SUGCT: variants seen among roughly 807,000 people sequenced by gnomAD.
SUGCT encodes succinyl-CoA:glutarate-CoA transferase, also known as succinyl-CoA:glutarate CoA-transferase.
SUGCT carries 41 observed loss-of-function variants against 55.0 expected under a neutral mutation model. The ratio of observed to expected loss-of-function variants is 0.74; its 90% CI spans 0.58 to 0.97. The LOEUF is 0.97. Ranked by LOEUF, SUGCT falls within the 50% of genes least tolerant of loss-of-function variation. The pLI is 0.00. For synonymous variants in SUGCT, 187 were observed against 200.4 expected, an observed-to-expected ratio of 0.93 and a Z score of 0.56; for missense variants, 568 against 547.8, an observed-to-expected ratio of 1.04 and a Z score of -0.37.
chr7:40,221,008 G>C (rs1187282392), intron 6 of SUGCT, among the ~76,000 whole-genome samples: 1 of 152,134 alleles, frequency 6.6e-6, no homozygotes, highest in Non-Finnish European at 1.5e-5. Flanking sequence ...CATCAGTGGA[G>C]ATACAAAATA....
chr7:40,596,702 A>T (rs1243699937), intron 12 of SUGCT, among the ~76,000 whole-genome samples: 4 of 152,160 alleles, frequency 2.6e-5, no homozygotes, highest in Non-Finnish European at 5.9e-5. Flanking sequence ...CTTTCAGCTA[A>T]TATATGAAGT....
intron 8 of SUGCT, among the ~76,000 whole-genome samples, chr7:40,276,381 T>C (rs1792480229): frequency 1.3e-5 from 2 of 152,164 alleles, no homozygotes; most frequent in African/African-American, 4.8e-5. Context: ...GAAGGTTTCA[T>C]GGGTGTGTAA....
intron 12 of SUGCT, among the ~76,000 whole-genome samples, chr7:40,695,359 G>A (rs749030058): frequency 3.3e-5 from 5 of 151,662 alleles, no homozygotes; most frequent in Non-Finnish European, 5.9e-5. Context: ...CACCATGCCT[G>A]GCTAATTTTT....
chr7:40,339,459 C>G (rs1406531222), intron 9 of SUGCT, among the ~76,000 whole-genome samples: 1 of 152,104 alleles, frequency 6.6e-6, no homozygotes, highest in African/African-American at 2.4e-5. Flanking sequence ...GCGCCCCTCT[C>G]CTAGCCTCAC....
chr7:40,282,407 G>A (rs2151022109), intron 8 of SUGCT, among the ~76,000 whole-genome samples: 1 of 152,276 alleles, frequency 6.6e-6, no homozygotes, highest in Admixed American at 6.5e-5. Flanking sequence ...GGTGGAGGTT[G>A]CAGTGAGCTG....
intron 9 of SUGCT, among the ~76,000 whole-genome samples, chr7:40,320,908 C>G (rs1795693214): frequency 6.6e-6 from 1 of 152,052 alleles, no homozygotes; most frequent in African/African-American, 2.4e-5. Context: ...ATGTCGTATC[C>G]AATAGGTACT....
At chr7:40,950,673 T>C in the SUGCT span, among the ~76,000 whole-genome samples, 58,330 of 152,004 alleles carry the variant, frequency 0.38, 11,700 homozygotes, top group African/African-American at 0.5. Flanking sequence ...TGAAGGGCTG[T>C]TGAATTTCGT....
intron 13 of SUGCT, among the ~76,000 whole-genome samples, chr7:40,777,835 A>G (rs1789542829): frequency 6.6e-6 from 1 of 152,186 alleles, no homozygotes; most frequent in Admixed American, 6.5e-5. Context: ...CCAAACGACC[A>G]GCTGCAGCAA....
intron 1 of SUGCT, among the ~76,000 whole-genome samples, chr7:40,169,664 A>G (rs750540905): frequency 8.6e-5 from 13 of 152,040 alleles, no homozygotes; most frequent in Non-Finnish European, 1.6e-4. Context: ...CCTATTAGGC[A>G]TTTGATTTGC....
At chr7:40,278,841 T>TAAA (rs36033574) in intron 8 of SUGCT, among the ~76,000 whole-genome samples, 3 of 148,246 alleles carry the variant, frequency 2.0e-5, no homozygotes, top group African/African-American at 7.4e-5. Flanking sequence ...TTTTTTTTTT[T>TAAA]AAAGAGATAC....
chr7:40,250,219 G>A (rs1172549362), intron 7 of SUGCT, among the ~76,000 whole-genome samples: 1 of 151,574 alleles, frequency 6.6e-6, no homozygotes, highest in Non-Finnish European at 1.5e-5. Flanking sequence ...GCAACATGGC[G>A]AAACCCCATG....
intron 8 of SUGCT, among the ~76,000 whole-genome samples, chr7:40,298,417 T>C (rs1015875369): frequency 2.0e-5 from 3 of 152,222 alleles, no homozygotes; most frequent in African/African-American, 4.8e-5. Context: ...GGAACTTCCA[T>C]TGGTCTTTGT....
intron 13 of SUGCT, among the ~76,000 whole-genome samples, chr7:40,857,807 A>C (rs1370714678): frequency 6.6e-6 from 1 of 152,218 alleles, no homozygotes; most frequent in Non-Finnish European, 1.5e-5. Context: ...ATAGGGACAA[A>C]AAGTAGATTA....
the SUGCT span, among the ~76,000 whole-genome samples, chr7:41,008,866 TCACCCGAAGGGATGGTATCTGGTCC>T: frequency 1.3e-5 from 2 of 151,954 alleles, no homozygotes; most frequent in Admixed American, 6.6e-5. Context: ...TGCCTCGTGG[TCACCCGAAGGGATGGTATCTGGTCC>T]CACCCGAAGG....
intron 12 of SUGCT, among the ~76,000 whole-genome samples, chr7:40,555,458 G>T (rs1795509842): frequency 6.6e-6 from 1 of 152,114 alleles, no homozygotes; most frequent in Admixed American, 6.5e-5. Context: ...GTGTGTATGA[G>T]TGTGATGCTG....
At chr7:40,820,113 A>G (rs1433899935) in intron 13 of SUGCT, among the ~76,000 whole-genome samples, 1 of 152,028 alleles carries the variant, frequency 6.6e-6, no homozygotes, top group African/African-American at 2.4e-5. Flanking sequence ...GTTCTGTTCC[A>G]TTGGCCTATA....
chr7:40,803,092 C>T (rs1166016076), intron 13 of SUGCT, among the ~76,000 whole-genome samples: 1 of 152,082 alleles, frequency 6.6e-6, no homozygotes, highest in Admixed American at 6.5e-5. Flanking sequence ...AATAATAACA[C>T]CAATTTTTAT....
chr7:40,295,244 A>T (rs1167335595), intron 8 of SUGCT, among the ~76,000 whole-genome samples: 1 of 152,184 alleles, frequency 6.6e-6, no homozygotes, highest in Admixed American at 6.5e-5. Context: ...AACTACTATG[A>T]AAAGTTTGGT....
chr7:40,908,382 C>CAAAAAAAAAAAAAAAAAAAA, the SUGCT span, among the ~76,000 whole-genome samples: 1 of 82,628 alleles, frequency 1.2e-5, no homozygotes, highest in Non-Finnish European at 2.5e-5. Context: ...GACTCTGTCT[C>CAAAAAAAAAAAAAAAAAAAA]AAAAAAAAAA....
Sources: gnomAD v4.1 joint callset for allele counts (sites outside exome capture counted in the v4.1 genomes callset) on GRCh38, gnomAD v4.1.1 for gene constraint, MANE v1.5 for transcripts, NCBI Gene and HGNC (gene_info 2026-07-23, HGNC 2026-07-21) for gene names.